NKAIN3: variants seen among roughly 807,000 people sequenced by gnomAD.
NKAIN3 encodes the protein sodium/potassium-transporting ATPase subunit beta-1-interacting protein 3.
Under a neutral mutation model 30.2 loss-of-function variants are expected in NKAIN3, and 25 were observed. The ratio of observed to expected loss-of-function variants is 0.83; its 90% CI spans 0.60 to 1.16. The LOEUF (loss-of-function observed/expected upper bound fraction) is 1.16. Ranked by LOEUF, NKAIN3 falls within the 50% of genes most tolerant of loss-of-function variation. The pLI is 0.00. For synonymous variants in NKAIN3, 91 were observed against 89.6 expected, an observed-to-expected ratio of 1.02 and a Z score of -0.09; for missense variants, 225 against 254.1, an observed-to-expected ratio of 0.89 and a Z score of 0.78.
intron 4 of NKAIN3, among the ~76,000 whole-genome samples, chr8:62,859,237 C>A (rs34048303): frequency 6.6e-6 from 1 of 152,118 alleles, no homozygotes; most frequent in African/African-American, 2.4e-5. Context: ...GCTTTTCTTT[C>A]TTCTCCATGA....
At chr8:62,341,895 T>C (rs932451982) in intron 1 of NKAIN3, among the ~76,000 whole-genome samples, 1 of 152,062 alleles carries the variant, frequency 6.6e-6, no homozygotes. Context: ...TGCTGTTTCT[T>C]GTTTCCCATT....
At chr8:62,417,572 A>T (rs546392359) in intron 1 of NKAIN3, among the ~76,000 whole-genome samples, 27 of 152,272 alleles carry the variant, frequency 1.8e-4, no homozygotes, top group African/African-American at 6.3e-4. Flanking sequence ...TAGTTGAACT[A>T]ATTTATCTTC....
At chr8:62,451,361 G>A (rs973810454) in intron 1 of NKAIN3, among the ~76,000 whole-genome samples, 2 of 126,382 alleles carry the variant, frequency 1.6e-5, no homozygotes, top group African/African-American at 3.0e-5. Context: ...TCTCTTCATC[G>A]AATCACCTTT....
At chr8:62,597,607 G>A (rs1281837065) in intron 3 of NKAIN3, among the ~76,000 whole-genome samples, 2 of 151,814 alleles carry the variant, frequency 1.3e-5, no homozygotes, top group Non-Finnish European at 2.9e-5. Flanking sequence ...ACCAATAACT[G>A]ACCAATGGCA....
chr8:62,479,836 G>T (rs1447455079), intron 1 of NKAIN3, among the ~76,000 whole-genome samples: 1 of 152,114 alleles, frequency 6.6e-6, no homozygotes, highest in East Asian at 1.9e-4. Flanking sequence ...TCCAATAGTT[G>T]CAAGGTTGGT....
chr8:62,378,279 G>A lies in NKAIN3; in HGVS notation c.54+129152G>A, dbSNP rs1189462314. 3.3e-5 allele frequency among the ~76,000 whole-genome samples: 5 copies of A among 152,184 alleles called. No homozygotes were observed. The South Asian group carries it at 1.0e-3, about 31-fold the overall frequency. On this transcript the variant is annotated intron_variant, in intron 1 of 6. Coordinates refer to ENST00000623646, the MANE Select transcript of NKAIN3 (RefSeq NM_001304533.3). The stretch of plus-strand genomic sequence containing the variant: ...ATCTGACAGAAGAAATTTCTAAGCA[G>A]TAAAGCATTCAAGAGGTGACAGATC...
intron 1 of NKAIN3, among the ~76,000 whole-genome samples, chr8:62,328,968 A>C (rs1178092037): frequency 6.6e-6 from 1 of 152,114 alleles, no homozygotes; most frequent in Non-Finnish European, 1.5e-5. Context: ...GTAGTAAAAG[A>C]TCGACTTCCA....
intron 1 of NKAIN3, among the ~76,000 whole-genome samples, chr8:62,508,949 G>C (rs1462120001): frequency 7.1e-6 from 1 of 140,960 alleles, no homozygotes; most frequent in Non-Finnish European, 1.5e-5. Flanking sequence ...TGTCTTTTGG[G>C]AATCCAGTGA....
chr8:62,543,069 T>C (rs1164515946), intron 1 of NKAIN3, among the ~76,000 whole-genome samples: 1 of 152,166 alleles, frequency 6.6e-6, no homozygotes, highest in Non-Finnish European at 1.5e-5. Context: ...GGTTGCTAAA[T>C]AACATTTAGA....
Position 62,597,171 on chromosome 8 carries a change from G to A in NKAIN3, c.273+7377G>A, listed in dbSNP as rs190840987. Reference sequence around the variant, plus strand: ...AGCTGGTCCCTCGGACCTGTGAAAGGACTCCTAGAGCTATTCCTGTTTCTT... The same window carrying A: ...AGCTGGTCCCTCGGACCTGTGAAAGAACTCCTAGAGCTATTCCTGTTTCTT... On this transcript the variant is annotated intron_variant, in intron 3 of 6. Transcript: ENST00000623646. Among the ~76,000 whole-genome samples, 498 of 152,158 alleles carry A rather than the reference G, an allele frequency of 3.3e-3. 2 individuals carry two copies. The highest frequency in any genetic ancestry group is 0.01 in the African/African-American group (433 of 41,534).
At chr8:62,804,322 C>T (rs187311834) in intron 4 of NKAIN3, among the ~76,000 whole-genome samples, 5 of 152,038 alleles carry the variant, frequency 3.3e-5, no homozygotes, top group Non-Finnish European at 5.9e-5. Flanking sequence ...AAAGAGAATA[C>T]CAAAGCCTGG....
intron 3 of NKAIN3, among the ~76,000 whole-genome samples, chr8:62,704,726 T>C (rs1421633994): frequency 6.6e-6 from 1 of 152,206 alleles, no homozygotes; most frequent in Non-Finnish European, 1.5e-5. Flanking sequence ...TATAAACTTT[T>C]CTTAAAACTC....
chr8:62,253,617 T>C (rs1286936938), intron 1 of NKAIN3, among the ~76,000 whole-genome samples: 1 of 152,060 alleles, frequency 6.6e-6, no homozygotes, highest in Non-Finnish European at 1.5e-5. Context: ...TAGAGAACAT[T>C]CTCTCAAAGA....
chr8:62,842,059 G>C (rs964799873), intron 4 of NKAIN3, among the ~76,000 whole-genome samples: 1 of 152,110 alleles, frequency 6.6e-6, no homozygotes, highest in East Asian at 1.9e-4. Flanking sequence ...CTAATGATTA[G>C]TTCATTTGTT....
rs11291354 is a variant in NKAIN3 at position 62,365,775 on chromosome 8, ATT to A, written c.54+116657_54+116658del. On this transcript the variant is annotated intron_variant, in intron 1 of 6. Transcript: ENST00000623646. ...CCAATCAGTTCTTTCTCACTATAAA[ATT>A]TTTTTTTTAATCTTTTGAGTGTGAA... Among the ~76,000 whole-genome samples, 16 of 151,876 alleles carry A rather than the reference ATT, an allele frequency of 1.1e-4. No homozygotes were observed. In the East Asian group the frequency reaches 1.7e-3, roughly 17 times the overall value.
intron 3 of NKAIN3, among the ~76,000 whole-genome samples, chr8:62,734,666 G>A (rs1815590935): frequency 6.6e-6 from 1 of 152,140 alleles, no homozygotes; most frequent in African/African-American, 2.4e-5. Context: ...AGAGAATACA[G>A]TCACGGAAAG....
intron 3 of NKAIN3, among the ~76,000 whole-genome samples, chr8:62,654,440 TAAAC>T (rs1363025355): frequency 6.6e-6 from 1 of 152,098 alleles, no homozygotes; most frequent in African/African-American, 2.4e-5. Flanking sequence ...TTCAATGGCT[TAAAC>T]AAATCCACTG....
chr8:62,757,472 T>C (rs1242717883), intron 4 of NKAIN3, among the ~76,000 whole-genome samples: 3 of 152,138 alleles, frequency 2.0e-5, no homozygotes, highest in East Asian at 1.9e-4. Flanking sequence ...GACGCAAGGA[T>C]GGAGATCAAC....
At chr8:62,544,999 A>C (rs1036148651) in intron 1 of NKAIN3, among the ~76,000 whole-genome samples, 2 of 152,196 alleles carry the variant, frequency 1.3e-5, no homozygotes, top group Non-Finnish European at 2.9e-5. Flanking sequence ...GTGAATCATC[A>C]TAAAGTTCTT....
Sources: gnomAD v4.1 joint callset for allele counts (sites outside exome capture counted in the v4.1 genomes callset) on GRCh38, gnomAD v4.1.1 for gene constraint, MANE v1.5 for transcripts, NCBI Gene and HGNC (gene_info 2026-07-23, HGNC 2026-07-21) for gene names.